VTI1B: variants seen among roughly 807,000 people sequenced by gnomAD.
VTI1B encodes vesicle transport through interaction with t-SNAREs homolog 1B.
VTI1B carries 18 observed loss-of-function variants against 28.6 expected under a neutral mutation model. The observed-to-expected ratio is 0.63, with a 90% CI of 0.43 to 0.93. The LOEUF is 0.93. VTI1B is among the 40% of genes least tolerant of loss of function. The probability of loss-of-function intolerance (pLI) is 0.00; values close to 1 mark genes in which losing one functional copy is unlikely to be tolerated. For missense variants in VTI1B, 283 were observed against 297.0 expected (o/e 0.95, Z 0.35); for synonymous variants, 100 against 107.9 (o/e 0.93, Z 0.46).
chr14:67,670,508 A>G (rs1253338656), intron 1 of VTI1B, among the ~76,000 whole-genome samples: 1 of 151,176 alleles, frequency 6.6e-6, no homozygotes, highest in Admixed American at 6.6e-5. Flanking sequence ...AGCCCTTTTT[A>G]TGGTCTCAGA....
rs762857205 is a variant in VTI1B, at chr14:67,674,380, C to T, written c.110G>A (p.Gly37Glu). 3 of 1,595,110 alleles carry T rather than the reference C, an allele frequency of 1.9e-6. No individual in the cohort carries two copies. Among genetic ancestry groups the T allele is most frequent in the Non-Finnish European group, 2.6e-6 (3 of 1,172,772 alleles). Residue 37 changes from glycine (G) to glutamate (E), a missense_variant, in exon 1 of 6, where the codon GGG becomes GAG. Physicochemically the swap from Gly to Glu is moderately conservative, Grantham distance 98 (BLOSUM62 -2). Transcript: ENST00000554659. ...GVPERLLGTA[G>E]TEEKKKLIRD... ...GTGGCCCACCCCCGCCTCACCGGTCCCCGCCGTCCCCAGCAGCCGCTCGGG... is the reference window on the plus strand; with the variant it reads ...GTGGCCCACCCCCGCCTCACCGGTCTCCGCCGTCCCCAGCAGCCGCTCGGG...
intron 2 of VTI1B, among the ~76,000 whole-genome samples, chr14:67,662,273 C>T (rs7359109): frequency 0.043 from 6,576 of 152,200 alleles, 378 homozygotes; most frequent in African/African-American, 0.13. Flanking sequence ...CAAAGAGTCA[C>T]ATTTCAGGAG....
At chr14:67,658,812 A>C (rs2037299741) in intron 3 of VTI1B, among the ~76,000 whole-genome samples, 1 of 152,136 alleles carries the variant, frequency 6.6e-6, no homozygotes, top group Admixed American at 6.5e-5. Flanking sequence ...AATTTTAAGT[A>C]CTTCATTCTC....
chr14:67,666,675 C>T (rs1011317512), intron 1 of VTI1B, among the ~76,000 whole-genome samples: 2 of 152,132 alleles, frequency 1.3e-5, no homozygotes, highest in African/African-American at 2.4e-5. Context: ...TGTACCTCAG[C>T]GATCATCTAG....
chr14:67,664,498 AT>A (rs11444640), intron 1 of VTI1B, among the ~76,000 whole-genome samples: 34 of 147,138 alleles, frequency 2.3e-4, no homozygotes, highest in Admixed American at 5.4e-4. Flanking sequence ...CTAAAGAGCA[AT>A]TTTTTTTTTT....
rs774174537 is a variant in VTI1B at position 67,674,484 on chromosome 14, G to A, written c.6C>T (p.Ala2=). The change falls in exon 1 of 6, where the codon GCC becomes GCT. Residue 2 remains alanine, a synonymous_variant. Coordinates refer to ENST00000554659, the MANE Select transcript of VTI1B (RefSeq NM_006370.3). The part of the protein sequence containing the change: M[A]SSAASSEHFE... ...AATGCTCCGAGGAGGCGGCGGAGGA[G>A]GCCATGGCGCAGGCCGCGCTGGAGC... 2.5e-6 allele frequency: 4 copies of A among 1,603,712 alleles called. No individual in the cohort carries two copies. Among genetic ancestry groups the A allele is most frequent in the East Asian group, 4.5e-5 (2 of 44,578 alleles).
intron 1 of VTI1B, among the ~76,000 whole-genome samples, chr14:67,670,301 C>T (rs923742586): frequency 5.3e-5 from 8 of 152,010 alleles, no homozygotes; most frequent in African/African-American, 4.8e-5. Flanking sequence ...CACTGAGATC[C>T]CCTCACAATC....
At chr14:67,671,564 C>A (rs796339839) in intron 1 of VTI1B, among the ~76,000 whole-genome samples, 40 of 152,212 alleles carry the variant, frequency 2.6e-4, no homozygotes, top group African/African-American at 7.2e-4. Context: ...AAAAGAAATT[C>A]ACATATTTCT....
At chr14:67,671,355 G>A (rs1052437270) in intron 1 of VTI1B, among the ~76,000 whole-genome samples, 13 of 151,892 alleles carry the variant, frequency 8.6e-5, no homozygotes, top group African/African-American at 2.9e-4. Context: ...GTGAAACCCC[G>A]TGTCTACTAA....
chr14:67,662,235 C>T (rs2037346852), intron 2 of VTI1B, among the ~76,000 whole-genome samples: 1 of 152,204 alleles, frequency 6.6e-6, no homozygotes, highest in Middle Eastern at 3.4e-3. Flanking sequence ...TGAGAATGCC[C>T]TTACTACTCA....
chr14:67,650,520 A>G lies in VTI1B; in HGVS notation c.*865T>C, dbSNP rs1406431726. 4 of 601,988 alleles carry G rather than the reference A, an allele frequency of 6.6e-6. No homozygotes were observed. The highest frequency in any genetic ancestry group is 2.9e-5 in the Admixed American group (1 of 34,222). 37.3% of individuals were successfully genotyped at this position (601,988 alleles called of 1,614,324 possible). Reference sequence around the variant, plus strand: ...CTTAAAAGGTTTCTTTTAATCTACTATAGCACAACAGTGTTTTAACTTAAA... The same window carrying G: ...CTTAAAAGGTTTCTTTTAATCTACTGTAGCACAACAGTGTTTTAACTTAAA... On this transcript the variant is annotated 3_prime_UTR_variant, in exon 6 of 6. Transcript: ENST00000554659.
rs145375143 is a variant in VTI1B at position 67,666,198 on chromosome 14, T to C, written c.116-3663A>G. 3.9e-5 allele frequency among the ~76,000 whole-genome samples: 6 copies of C among 152,338 alleles called. No homozygotes were observed. The East Asian group carries it at 1.2e-3, about 29-fold the overall frequency. ...TTCCTAGCTCCTTCCTTTCCTAGAC[T>C]TTTCTACAACTGTGTTTAGTCATAA... On this transcript the variant is annotated intron_variant, in intron 1 of 5. Transcript: ENST00000554659.
In VTI1B at chr14:67,651,332, T is replaced by C. The variant is rs1205964236; in HGVS notation, c.*53A>G. On this transcript the variant is annotated 3_prime_UTR_variant, in exon 6 of 6. Coordinates refer to ENST00000554659, the MANE Select transcript of VTI1B (RefSeq NM_006370.3). ...GCTTATTCTATCCACATCCCTAACA[T>C]CATGCATTCACAAGGTCAAAGTTCT... The C allele has an allele frequency of 6.2e-7, 1 of 1,611,480 alleles. No individual in the cohort carries two copies. Among genetic ancestry groups the C allele is most frequent in the Non-Finnish European group, 8.5e-7 (1 of 1,178,404 alleles).
At chr14:67,670,578 T>C (rs1397082247) in intron 1 of VTI1B, among the ~76,000 whole-genome samples, 2 of 151,270 alleles carry the variant, frequency 1.3e-5, no homozygotes, top group African/African-American at 2.4e-5. Flanking sequence ...TTTTTTTTTT[T>C]CTGAGATAGA....
chr14:67,670,106 C>T (rs919927371), intron 1 of VTI1B, among the ~76,000 whole-genome samples: 24 of 152,152 alleles, frequency 1.6e-4, no homozygotes, highest in African/African-American at 5.8e-4. Context: ...CTGTGTCAAA[C>T]AAATTCCCGT....
chr14:67,659,725 A>G lies in VTI1B; in HGVS notation c.366+6T>C. 1 of 1,586,334 alleles carries G rather than the reference A, an allele frequency of 6.3e-7. No individual in the cohort carries two copies. The highest frequency in any genetic ancestry group is 8.6e-7 in the Non-Finnish European group (1 of 1,168,972). On this transcript the variant is annotated splice_donor_region_variant and intron_variant, in intron 3 of 5. Coordinates refer to ENST00000554659, the MANE Select transcript of VTI1B (RefSeq NM_006370.3). ...AAAAAAAACAAACAAAACAGCTAAA[A>G]CTTACCATATGCTCATTCTCTACAG...
Position 67,650,731 on chromosome 14 carries a change from G to A in VTI1B, c.*654C>T, listed in dbSNP as rs1360925540. ...TTCTTCCAGGGTTGCTATCAGCACT[G>A]GATCTTGTTGAAGTCAATCCTCAGT... is the stretch of plus-strand genomic sequence containing the variant. On this transcript the variant is annotated 3_prime_UTR_variant, in exon 6 of 6. Transcript: ENST00000554659. 7 of 1,613,996 alleles carry A rather than the reference G, an allele frequency of 4.3e-6. No individual in the cohort carries two copies. Among genetic ancestry groups the A allele is most frequent in the Non-Finnish European group, 5.1e-6 (6 of 1,180,014 alleles).
intron 1 of VTI1B, among the ~76,000 whole-genome samples, chr14:67,666,839 C>T (rs964711857): frequency 2.6e-5 from 4 of 152,206 alleles, no homozygotes; most frequent in African/African-American, 9.7e-5. Flanking sequence ...TATTAAACAA[C>T]TGTATACTGT....
chr14:67,656,430 G>C lies in VTI1B; in HGVS notation c.526C>G (p.Arg176Gly). The C allele has an allele frequency of 6.2e-7, 1 of 1,612,088 alleles. No individual in the cohort carries two copies. Among genetic ancestry groups the C allele is most frequent in the Non-Finnish European group, 8.5e-7 (1 of 1,178,988 alleles). Residue 176 changes from arginine (R) to glycine (G), a missense_variant, in exon 4 of 6, where the codon CGT becomes GGT. Arg to Gly is a moderately radical substitution (Grantham distance 125, BLOSUM62 -2). Transcript: ENST00000554659. ...ELGEQRDQLE[R>G]TKSRLVNTSE... ...CCCAGACTTACTCTACTCTTGGTAC[G>C]TTCTAACTGGTCTCGTTGTTCCCCC... is the stretch of plus-strand genomic sequence containing the variant.
Sources: allele counts gnomAD v4.1 joint callset (sites outside exome capture counted in the v4.1 genomes callset), GRCh38; gene constraint gnomAD v4.1.1; transcripts MANE v1.5; gene names NCBI Gene and HGNC (gene_info 2026-07-23, HGNC 2026-07-21).